Variants in DSTYK observed in about 807,000 individuals in gnomAD.
The protein encoded by DSTYK is dual serine/threonine and tyrosine protein kinase.
A neutral mutation model predicts 98.7 loss-of-function variants in DSTYK; 34 were observed. The ratio of observed to expected loss-of-function variants is 0.34; its 90% confidence interval spans 0.26 to 0.46. The LOEUF (loss-of-function observed/expected upper bound fraction) is 0.46, where lower values mean the gene tolerates loss of function less well. Among genes scored for constraint, DSTYK ranks in the 20% least tolerant of loss-of-function variants. The probability of loss-of-function intolerance (pLI) is 1.00; values close to 1 mark genes in which losing one functional copy is unlikely to be tolerated. For synonymous variants in DSTYK, 462 were observed against 457.3 expected, an observed-to-expected ratio of 1.01 and a Z score of -0.13; for missense variants, 962 against 1,181.7, an observed-to-expected ratio of 0.81 and a Z score of 2.73.
intron 1 of DSTYK, chr1:205,202,064 C>T (rs890962456): frequency 2.7e-5 from 9 of 327,352 alleles, no homozygotes; most frequent in African/African-American, 2.1e-4. Flanking sequence ...GTGGGAAACT[C>T]GGGAAGGGGA....
intron 1 of DSTYK, among the ~76,000 whole-genome samples, chr1:205,192,449 C>T (rs930946697): frequency 6.6e-6 from 1 of 152,110 alleles, no homozygotes; most frequent in Non-Finnish European, 1.5e-5. Context: ...GTGAAGACTC[C>T]TTGACCCTGG....
At chr1:205,204,436 T>C (rs566726203) in intron 1 of DSTYK, among the ~76,000 whole-genome samples, 22 of 146,828 alleles carry the variant, frequency 1.5e-4, no homozygotes, top group Admixed American at 7.2e-4. Flanking sequence ...GTTCCAACTT[T>C]CTAAATCAAT....
chr1:205,174,833 G>A (rs1337610727), intron 2 of DSTYK, among the ~76,000 whole-genome samples: 1 of 148,350 alleles, frequency 6.7e-6, no homozygotes, highest in Non-Finnish European at 1.5e-5. Flanking sequence ...CGCCTCCCAG[G>A]TTCAAGCGAT....
rs1657224879 is a variant in DSTYK at position 205,146,112 on chromosome 1, G to C, written c.*1446C>G. ...GTCTGCTGCTTTTTTTCTTCTAACA[G>C]ATTTTTAAAAAGGTAAAAAGAAGGA... On this transcript the variant is annotated 3_prime_UTR_variant, in exon 13 of 13. Transcript: ENST00000367162. The C allele has an allele frequency of 6.6e-6, 1 of 152,126 alleles. No individual in the cohort carries two copies. Among genetic ancestry groups the C allele is most frequent in the Admixed American group, 6.5e-5 (1 of 15,274 alleles). 9.4% of individuals were successfully genotyped at this position (152,126 alleles called of 1,614,324 possible).
At chr1:205,171,556 T>A (rs891076065) in intron 2 of DSTYK, among the ~76,000 whole-genome samples, 1 of 152,152 alleles carries the variant, frequency 6.6e-6, no homozygotes, top group Admixed American at 6.5e-5. Flanking sequence ...GTGTTCTGCT[T>A]CTTTCCTGTG....
chr1:205,209,590 A>G (rs1047815991), intron 1 of DSTYK, among the ~76,000 whole-genome samples: 1 of 146,422 alleles, frequency 6.8e-6, no homozygotes, highest in Non-Finnish European at 1.5e-5. Flanking sequence ...ATAGGAATTT[A>G]AAAAGCCTTA....
At chr1:205,178,576 G>A (rs547641111) in intron 2 of DSTYK, among the ~76,000 whole-genome samples, 1 of 152,256 alleles carries the variant, frequency 6.6e-6, no homozygotes, top group South Asian at 2.1e-4. Context: ...ACAAAAGTAA[G>A]CCATAATGAA....
chr1:205,211,398 G>C lies in DSTYK; in HGVS notation c.138C>G (p.Arg46=). 1 of 1,611,732 alleles carries C rather than the reference G, an allele frequency of 6.2e-7. No homozygotes were observed. ...TGTCGCGGAAGAACTTCTGGGTCTC[G>C]CGCAGGTTCTGTCGCAGCCGTCCCA... ...RYLGRLRQNL[R]ETQKFFRDIK... The change falls in exon 1 of 13, where the codon CGC becomes CGG. Residue 46 remains arginine (R), a synonymous_variant. Coordinates refer to ENST00000367162, the MANE Select transcript of DSTYK (RefSeq NM_015375.3).
intron 1 of DSTYK, among the ~76,000 whole-genome samples, chr1:205,190,237 C>T (rs1387656157): frequency 6.6e-6 from 1 of 152,174 alleles, no homozygotes. Flanking sequence ...AAGCTGTAAG[C>T]AAACCCACTG....
chr1:205,211,032 G>A (rs570041491), intron 1 of DSTYK, among the ~76,000 whole-genome samples: 2 of 152,232 alleles, frequency 1.3e-5, no homozygotes, highest in African/African-American at 4.8e-5. Context: ...CGGGAACTCC[G>A]GCCCTCGGTT....
chr1:205,194,891 G>A (rs1658818990), intron 1 of DSTYK, among the ~76,000 whole-genome samples: 1 of 151,612 alleles, frequency 6.6e-6, no homozygotes, highest in African/African-American at 2.4e-5. Flanking sequence ...GGAGTGTAGT[G>A]GCATGATCTT....
At chr1:205,208,360 T>A (rs1014119393) in intron 1 of DSTYK, among the ~76,000 whole-genome samples, 8 of 152,138 alleles carry the variant, frequency 5.3e-5, no homozygotes, top group African/African-American at 1.9e-4. Context: ...TATATAGACA[T>A]GAAAATTGTT....
chr1:205,190,990 A>G (rs1304089985), intron 1 of DSTYK, among the ~76,000 whole-genome samples: 1 of 152,222 alleles, frequency 6.6e-6, no homozygotes, highest in African/African-American at 2.4e-5. Context: ...CAACTACAGG[A>G]CAGCCAATGA....
chr1:205,195,856 A>C (rs1274121035), intron 1 of DSTYK, among the ~76,000 whole-genome samples: 8 of 152,222 alleles, frequency 5.3e-5, no homozygotes, highest in Non-Finnish European at 1.0e-4. Context: ...TTCTGGGTGA[A>C]ACTGCTCCTG....
rs1658252369 is a variant in DSTYK, at chr1:205,177,003, C to T, written c.655-7171G>A. Among the ~76,000 whole-genome samples the T allele has an allele frequency of 6.6e-5, 10 of 151,584 alleles. No homozygotes were observed. The South Asian group carries it at 1.9e-3, about 29-fold the overall frequency. Reference sequence around the variant, plus strand: ...GAAGATCCCCTTGAGCCCAGGAGTTCGAGACCAGCCTGGGCAATATGGCGA... The same window carrying T: ...GAAGATCCCCTTGAGCCCAGGAGTTTGAGACCAGCCTGGGCAATATGGCGA... On this transcript the variant is annotated intron_variant, in intron 2 of 12. Transcript: ENST00000367162.
At chr1:205,205,210 CCA>C (rs1659163234) in intron 1 of DSTYK, among the ~76,000 whole-genome samples, 1 of 152,074 alleles carries the variant, frequency 6.6e-6, no homozygotes, top group African/African-American at 2.4e-5. Context: ...TAGCAAACTA[CCA>C]CAGAGTACAC....
intron 1 of DSTYK, among the ~76,000 whole-genome samples, chr1:205,209,356 G>A (rs187661087): frequency 1.3e-5 from 2 of 152,280 alleles, no homozygotes; most frequent in East Asian, 3.9e-4. Context: ...TACACATTCT[G>A]GGGATCGTCT....
At chr1:205,171,998 C>A (rs1658078213) in intron 2 of DSTYK, among the ~76,000 whole-genome samples, 1 of 152,222 alleles carries the variant, frequency 6.6e-6, no homozygotes, top group South Asian at 2.1e-4. Context: ...CTCTGTCACC[C>A]ATGCTGGAGT....
intron 1 of DSTYK, among the ~76,000 whole-genome samples, chr1:205,190,669 G>A (rs1658687020): frequency 6.7e-6 from 1 of 149,624 alleles, no homozygotes; most frequent in Non-Finnish European, 1.5e-5. Context: ...TTCATCTTGT[G>A]GAATTTAACT....
Sources: allele counts gnomAD v4.1 joint callset (sites outside exome capture counted in the v4.1 genomes callset), GRCh38; gene constraint gnomAD v4.1.1; transcripts MANE v1.5; gene names NCBI Gene and HGNC (gene_info 2026-07-23, HGNC 2026-07-21).